The following DPP6 variants were observed in gnomAD, a reference collection of about 807,000 sequenced individuals.
DPP6 encodes the protein dipeptidyl peptidase like 6, also known as A-type potassium channel modulatory protein DPP6.
A neutral mutation model predicts 122.6 loss-of-function variants in DPP6; 69 were observed. That is an observed-to-expected ratio of 0.56 (90% CI 0.46 to 0.69). DPP6 has a LOEUF of 0.69. Among genes scored for constraint, DPP6 ranks in the 30% least tolerant of loss-of-function variants. The pLI, the probability that DPP6 is intolerant of heterozygous loss-of-function variation, is 0.00. For synonymous variants in DPP6, 418 were observed against 433.1 expected, an observed-to-expected ratio of 0.97 and a Z score of 0.43; for missense variants, 928 against 1,116.9, an observed-to-expected ratio of 0.83 and a Z score of 2.41.
chr7:154,370,733 A>G (rs536322569), intron 1 of DPP6, among the ~76,000 whole-genome samples: 55 of 152,180 alleles, frequency 3.6e-4, no homozygotes, highest in Non-Finnish European at 5.4e-4. Context: ...TACTCAACCT[A>G]GATTCTTTTA....
intron 1 of DPP6, among the ~76,000 whole-genome samples, chr7:154,023,160 C>T (rs1798786807): frequency 2.6e-5 from 4 of 151,828 alleles, no homozygotes; most frequent in African/African-American, 4.9e-5. Flanking sequence ...GAAGATTGCA[C>T]GAACCCTGCC....
chr7:154,014,087 G>A (rs1236374533), intron 1 of DPP6, among the ~76,000 whole-genome samples: 1 of 151,858 alleles, frequency 6.6e-6, no homozygotes. Flanking sequence ...TTCCAATAGG[G>A]TCCTTTTGAC....
At chr7:154,854,860 T>TC (rs1439933707) in intron 17 of DPP6, among the ~76,000 whole-genome samples, 1 of 152,116 alleles carries the variant, frequency 6.6e-6, no homozygotes, top group Non-Finnish European at 1.5e-5. Flanking sequence ...TTTCCAGCCC[T>TC]CCCTCTGTCT....
chr7:154,541,232 G>A (rs367790111), intron 4 of DPP6, among the ~76,000 whole-genome samples: 2 of 152,204 alleles, frequency 1.3e-5, no homozygotes, highest in East Asian at 3.9e-4. Context: ...CCAAGCTCAG[G>A]CAATCCTCCC....
intron 1 of DPP6, among the ~76,000 whole-genome samples, chr7:154,439,667 T>A (rs1408420244): frequency 6.7e-6 from 1 of 149,982 alleles, no homozygotes; most frequent in Non-Finnish European, 1.5e-5. Flanking sequence ...AGATAGCTAT[T>A]GCATCAATAA....
At chr7:153,815,607 C>A in the DPP6 span, among the ~76,000 whole-genome samples, 1,701 of 149,626 alleles carry the variant, frequency 0.011, 16 homozygotes, top group Non-Finnish European at 0.018. Flanking sequence ...ACATGAAAAT[C>A]CTGAAGCATC....
intron 1 of DPP6, among the ~76,000 whole-genome samples, chr7:154,261,970 C>G (rs1245521974): frequency 1.3e-5 from 2 of 150,890 alleles, no homozygotes; most frequent in Non-Finnish European, 2.9e-5. Context: ...TGGCTTGGAC[C>G]TGGGTGGTGG....
At chr7:153,845,303 G>A in the DPP6 span, among the ~76,000 whole-genome samples, 1 of 152,094 alleles carries the variant, frequency 6.6e-6, no homozygotes, top group Non-Finnish European at 1.5e-5. Context: ...AGGTTTAAAG[G>A]ACTGAATTCA....
chr7:154,247,164 T>G (rs1310439161), intron 1 of DPP6, among the ~76,000 whole-genome samples: 3 of 151,966 alleles, frequency 2.0e-5, no homozygotes, highest in African/African-American at 7.3e-5. Flanking sequence ...AATACAAAGA[T>G]GAGCCAGGAG....
rs147028189 is a variant in DPP6, at chr7:154,695,888, C to T, written c.762+26447C>T. 2.9e-3 allele frequency among the ~76,000 whole-genome samples: 437 copies of T among 152,326 alleles called. 3 individuals carry two copies. The highest frequency in any genetic ancestry group is 1.0e-2 in the African/African-American group (415 of 41,580). The stretch of plus-strand genomic sequence containing the variant: ...ACCTGGGCCAGCTGTAGGCTTCCTT[C>T]CTGATCAAACAAGCGGACCGTGCTG... On this transcript the variant is annotated intron_variant, in intron 7 of 25. Coordinates refer to ENST00000377770, the MANE Select transcript of DPP6 (RefSeq NM_130797.4).
intron 5 of DPP6, among the ~76,000 whole-genome samples, chr7:154,591,614 G>A (rs1355843057): frequency 6.6e-6 from 1 of 152,136 alleles, no homozygotes; most frequent in Non-Finnish European, 1.5e-5. Context: ...AGATCCATGG[G>A]TCCCGCCCAG....
chr7:153,820,314 G>A, the DPP6 span, among the ~76,000 whole-genome samples: 4 of 152,090 alleles, frequency 2.6e-5, no homozygotes, highest in African/African-American at 4.8e-5. Flanking sequence ...ATTACTTAAG[G>A]TTCTTCCAGC....
chr7:154,808,597 C>A (rs559549447), intron 16 of DPP6, among the ~76,000 whole-genome samples: 16 of 152,134 alleles, frequency 1.1e-4, no homozygotes, highest in Non-Finnish European at 2.2e-4. Flanking sequence ...TTCCCTGACT[C>A]CCAATGAGCC....
intron 1 of DPP6, among the ~76,000 whole-genome samples, chr7:153,977,544 T>C (rs1050062277): frequency 1.3e-5 from 2 of 152,072 alleles, no homozygotes; most frequent in Non-Finnish European, 2.9e-5. Flanking sequence ...CCTCATTCTT[T>C]CTTTTTGTCC....
Position 154,483,549 on chromosome 7 carries a change from G to A in DPP6, c.457+8512G>A, listed in dbSNP as rs1193705726. Among the ~76,000 whole-genome samples the A allele has an allele frequency of 6.6e-6, 1 of 152,200 alleles. No homozygotes were observed. Among genetic ancestry groups the A allele is most frequent in the East Asian group, 1.9e-4 (1 of 5,194 alleles). On this transcript the variant is annotated intron_variant, in intron 3 of 25. Coordinates refer to ENST00000377770, the MANE Select transcript of DPP6 (RefSeq NM_130797.4). The surrounding 1 kb of genome is among the most constrained non-coding windows in gnomAD (Gnocchi z 8.1). ...CAACTATCTGATTGGTTACAGTTAT[G>A]GAGTTGCCTTATTTGGTCAATCCTG...
chr7:154,431,650 T>C (rs1479984207), intron 1 of DPP6, among the ~76,000 whole-genome samples: 1 of 150,984 alleles, frequency 6.6e-6, no homozygotes, highest in East Asian at 2.0e-4. Flanking sequence ...TTTTCCTGCC[T>C]CAGCTTCCCG....
chr7:153,765,359 T>C, the DPP6 span, among the ~76,000 whole-genome samples: 1 of 118,260 alleles, frequency 8.5e-6, no homozygotes, highest in Non-Finnish European at 1.9e-5. Context: ...CTGGCCAATA[T>C]GGTGAAACCT....
At chr7:153,971,208 A>G (rs1795999664) in intron 1 of DPP6, among the ~76,000 whole-genome samples, 1 of 152,094 alleles carries the variant, frequency 6.6e-6, no homozygotes, top group Non-Finnish European at 1.5e-5. Context: ...AAAATGTGTT[A>G]TGAATTTTTA....
At chr7:154,609,110 T>C (rs1409511868) in intron 5 of DPP6, among the ~76,000 whole-genome samples, 1 of 152,260 alleles carries the variant, frequency 6.6e-6, no homozygotes, top group African/African-American at 2.4e-5. Flanking sequence ...AAAACTCAAA[T>C]GTTCTCATCG....
Sources: allele counts gnomAD v4.1 joint callset (sites outside exome capture counted in the v4.1 genomes callset), GRCh38; gene constraint gnomAD v4.1.1; non-coding constraint Gnocchi (gnomAD v3.1); transcripts MANE v1.5; gene names NCBI Gene and HGNC (gene_info 2026-07-23, HGNC 2026-07-21).